CACNA1B: variants seen among roughly 807,000 people sequenced by gnomAD.
CACNA1B encodes voltage-dependent N-type calcium channel subunit alpha-1B.
In CACNA1B, 70 loss-of-function variants were observed where a neutral mutation model predicts 247.2. The observed-to-expected ratio is 0.28, with a 90% CI of 0.23 to 0.35. The LOEUF (loss-of-function observed/expected upper bound fraction) is 0.35. Ranked by LOEUF, CACNA1B falls within the 10% of genes least tolerant of loss-of-function variation. The pLI is 1.00. For missense variants in CACNA1B, 2,367 were observed against 3,197.4 expected (o/e 0.74, Z 6.26); for synonymous variants, 1,231 against 1,294.4 (o/e 0.95, Z 1.05).
chr9:137,914,605 G>A lies in CACNA1B; in HGVS notation c.623-49G>A. 1 of 1,554,708 alleles carries A rather than the reference G, an allele frequency of 6.4e-7. No homozygotes were observed. The highest frequency in any genetic ancestry group is 1.2e-5 in the South Asian group (1 of 86,106). On this transcript the variant is annotated intron_variant, in intron 4 of 46. Transcript: ENST00000371372. This position sits in a 1 kb window ranked among gnomAD's most constrained non-coding sequence, Gnocchi z 4.3. ...TGTCCCTGCCCCCACCAAATTCCTTGCCCTACCCTGCCCACGTTGCTTCCT... is the reference window on the plus strand; with the variant it reads ...TGTCCCTGCCCCCACCAAATTCCTTACCCTACCCTGCCCACGTTGCTTCCT...
In CACNA1B at chr9:138,014,825, C is replaced by A. The variant is rs971997771; in HGVS notation, c.2267+1590C>A. Reference sequence around the variant, plus strand: ...TGGGAGGGTGTCCACTCCCATCTGGCCTGAGACCTTGCAGAAGAGGCTGCC... The same window carrying A: ...TGGGAGGGTGTCCACTCCCATCTGGACTGAGACCTTGCAGAAGAGGCTGCC... On this transcript the variant is annotated intron_variant, in intron 18 of 46. Transcript: ENST00000371372. The surrounding 1 kb of genome is among the most constrained non-coding windows in gnomAD (Gnocchi z 6.2). Among the ~76,000 whole-genome samples the A allele has an allele frequency of 5.3e-5, 8 of 151,974 alleles. No homozygotes were observed. The highest frequency in any genetic ancestry group is 1.9e-4 in the African/African-American group (8 of 41,354).
intron 6 of CACNA1B, among the ~76,000 whole-genome samples, chr9:137,933,684 G>T (rs1957632809): frequency 6.6e-6 from 1 of 152,234 alleles, no homozygotes; most frequent in African/African-American, 2.4e-5. Flanking sequence ...AGTATATTTA[G>T]ATGATGATGG....
intron 18 of CACNA1B, among the ~76,000 whole-genome samples, chr9:138,021,281 T>C (rs1589073073): frequency 6.6e-6 from 1 of 152,008 alleles, no homozygotes; most frequent in African/African-American, 2.4e-5. Flanking sequence ...AGGCTGGGGG[T>C]CTGCAGACGG....
chr9:137,911,287 T>C (rs1957356622), intron 3 of CACNA1B, among the ~76,000 whole-genome samples: 2 of 152,240 alleles, frequency 1.3e-5, no homozygotes, highest in South Asian at 4.1e-4. Context: ...AAAATTCCTC[T>C]TTCAATAGTT....
intron 15 of CACNA1B, among the ~76,000 whole-genome samples, chr9:137,993,965 T>A (rs1442756362): frequency 6.6e-6 from 1 of 152,110 alleles, no homozygotes; most frequent in East Asian, 1.9e-4. Flanking sequence ...ACTAGCTAAC[T>A]GAATCCAACA....
chr9:137,952,896 G>A lies in CACNA1B; in HGVS notation c.1070+519G>A, dbSNP rs1363578849. Among the ~76,000 whole-genome samples the A allele has an allele frequency of 1.3e-5, 2 of 152,058 alleles. No homozygotes were observed. Among genetic ancestry groups the A allele is most frequent in the Non-Finnish European group, 2.9e-5 (2 of 68,016 alleles). ...GTTACTGTGGTGAGAAATAACTGGG[G>A]GCACCCTGATCTCTGTAGCAGTCAC... On this transcript the variant is annotated intron_variant, in intron 7 of 46. Coordinates refer to ENST00000371372, the MANE Select transcript of CACNA1B (RefSeq NM_000718.4). The surrounding 1 kb of genome is among the most constrained non-coding windows in gnomAD (Gnocchi z 4.8).
chr9:138,051,009 G>C lies in CACNA1B; in HGVS notation c.3711-1083G>C, dbSNP rs1391671704. ...GGGGGCAGGGCCACCCCTAGAAGCA[G>C]GCCTTCCCCAGGGAGCGTGGTGGGA... On this transcript the variant is annotated intron_variant, in intron 24 of 46. Transcript: ENST00000371372. The surrounding 1 kb of genome is among the most constrained non-coding windows in gnomAD (Gnocchi z 4.3). 6.6e-6 allele frequency among the ~76,000 whole-genome samples: 1 copy of C among 152,164 alleles called. No homozygotes were observed. Among genetic ancestry groups the C allele is most frequent in the African/African-American group, 2.4e-5 (1 of 41,440 alleles).
chr9:137,878,279 G>A, intron 1 of CACNA1B, 62 bp downstream of exon 1: 1 of 1,154,182 alleles, frequency 8.7e-7, no homozygotes, highest in Non-Finnish European at 1.1e-6. Flanking sequence ...CCGGGGCCGG[G>A]GCCATCTTCC....
intron 6 of CACNA1B, among the ~76,000 whole-genome samples, chr9:137,939,874 A>C (rs1436825403): frequency 1.3e-5 from 2 of 151,924 alleles, no homozygotes; most frequent in South Asian, 2.1e-4. Context: ...CTTCGAACTG[A>C]ATGACAGTAG....
chr9:138,021,914 C>T (rs1036114559), intron 18 of CACNA1B, among the ~76,000 whole-genome samples: 9 of 152,192 alleles, frequency 5.9e-5, no homozygotes, highest in Admixed American at 4.6e-4. Context: ...GGCTCCAGGG[C>T]GGGCCTCTGG....
chr9:138,084,224 G>A (rs1459185934), intron 36 of CACNA1B, among the ~76,000 whole-genome samples: 1 of 151,160 alleles, frequency 6.6e-6, no homozygotes, highest in Non-Finnish European at 1.5e-5. Context: ...ATAAGTTCAT[G>A]AGATTCTAAG....
intron 31 of CACNA1B, among the ~76,000 whole-genome samples, chr9:138,066,945 T>C (rs1325608403): frequency 2.6e-5 from 4 of 152,114 alleles, no homozygotes; most frequent in Non-Finnish European, 5.9e-5. Flanking sequence ...TAAACTTAGT[T>C]CTTTAAAGAC....
rs1381751341 is a variant in CACNA1B, at chr9:137,950,322, C to T, written c.967-1952C>T. 2.0e-5 allele frequency among the ~76,000 whole-genome samples: 3 copies of T among 152,188 alleles called. No homozygotes were observed. On this transcript the variant is annotated intron_variant, in intron 6 of 46. Transcript: ENST00000371372. The surrounding 1 kb of genome is among the most constrained non-coding windows in gnomAD (Gnocchi z 4.8). ...TGGATGGTGGTAAAAGTCCTGGCTGCACAAGGCCCTTCTGATAGCTCCCTA... is the reference window on the plus strand; with the variant it reads ...TGGATGGTGGTAAAAGTCCTGGCTGTACAAGGCCCTTCTGATAGCTCCCTA...
chr9:138,053,835 TC>T lies in CACNA1B; in HGVS notation c.3808-9del, dbSNP rs1959394014. 4 of 1,434,944 alleles carry T rather than the reference TC, an allele frequency of 2.8e-6. No homozygotes were observed. In the East Asian group the frequency reaches 8.9e-5, roughly 32 times the overall value. The allele number at this position is 1,434,944 out of a possible 1,614,324, so 88.9% of individuals were successfully genotyped here. A position where few individuals can be genotyped will look rare whatever the true frequency, so the allele number is the denominator to read the frequency against. On this transcript the variant is annotated splice_polypyrimidine_tract_variant and intron_variant, in intron 25 of 46. Transcript: ENST00000371372. ...CACCCCCTCATCATGGCTCCACCCC[TC>T]CTCCTGCAGGCTGTGTTTGACTGTG...
chr9:137,960,128 CG>C (rs1477410797), intron 10 of CACNA1B, among the ~76,000 whole-genome samples: 35 of 109,874 alleles, frequency 3.2e-4, no homozygotes, highest in East Asian at 5.6e-4. Flanking sequence ...ACTCTCAGGC[CG>C]ACCTGGAGAG....
In CACNA1B at chr9:137,955,369, A is replaced by G. The variant is rs1193937951; in HGVS notation, c.1071-329A>G. On this transcript the variant is annotated intron_variant, in intron 7 of 46. Transcript: ENST00000371372. This position sits in a 1 kb window ranked among gnomAD's most constrained non-coding sequence, Gnocchi z 6.9. ...GGCGCATGCCTAGGTTGCTGTAGGC[A>G]GGGGCTGTGAAATTGTCCCTGCTCT... 6.6e-6 allele frequency among the ~76,000 whole-genome samples: 1 copy of G among 152,196 alleles called. No homozygotes were observed. Among genetic ancestry groups the G allele is most frequent in the Non-Finnish European group, 1.5e-5 (1 of 68,046 alleles).
In CACNA1B at chr9:138,047,726, C is replaced by T. The variant is rs1959195892; in HGVS notation, c.3603+268C>T. Reference sequence around the variant, plus strand: ...TGCTCTGGTTTCTTGAACACATGAGCTACATACAGTCTGTCTCCAATGTGC... The same window carrying T: ...TGCTCTGGTTTCTTGAACACATGAGTTACATACAGTCTGTCTCCAATGTGC... On this transcript the variant is annotated intron_variant, in intron 23 of 46. Transcript: ENST00000371372. 2.0e-5 allele frequency among the ~76,000 whole-genome samples: 3 copies of T among 152,230 alleles called. No individual in the cohort carries two copies. In the South Asian group the frequency reaches 6.2e-4, roughly 31 times the overall value.
chr9:138,113,729 T>C (rs1354628650), intron 40 of CACNA1B, among the ~76,000 whole-genome samples: 146 of 59,932 alleles, frequency 2.4e-3, no homozygotes, highest in Admixed American at 5.3e-3. Flanking sequence ...CGTGAGGGAG[T>C]GCCGGGAGGT....
rs552220195 is a variant in CACNA1B, at chr9:138,060,205, T to C, written c.4668+468T>C. ...ATTATGTCTTAAAATTGACCAGTGC[T>C]GGGATATAAACTTGTCTCAACAAAT... is the stretch of plus-strand genomic sequence containing the variant. On this transcript the variant is annotated intron_variant, in intron 31 of 46. Coordinates refer to ENST00000371372, the MANE Select transcript of CACNA1B (RefSeq NM_000718.4). 6.5e-4 allele frequency among the ~76,000 whole-genome samples: 99 copies of C among 152,326 alleles called. 2 individuals carry two copies. The highest frequency in any genetic ancestry group is 1.2e-3 in the Non-Finnish European group (82 of 68,038).
Sources: allele counts gnomAD v4.1 joint callset (sites outside exome capture counted in the v4.1 genomes callset), GRCh38; gene constraint gnomAD v4.1.1; non-coding constraint Gnocchi (gnomAD v3.1); transcripts MANE v1.5; gene names NCBI Gene and HGNC (gene_info 2026-07-23, HGNC 2026-07-21).